NEGR1: variants seen among roughly 807,000 people sequenced by gnomAD.
NEGR1 encodes IgLON family member 4.
Under a neutral mutation model 40.9 loss-of-function variants are expected in NEGR1, and 10 were observed. The observed-to-expected ratio is 0.24, with a 90% CI of 0.15 to 0.42. The LOEUF is 0.42. Among genes scored for constraint, NEGR1 ranks in the 10% least tolerant of loss-of-function variants. The probability of loss-of-function intolerance (pLI) is 1.00; values close to 1 mark genes in which losing one functional copy is unlikely to be tolerated. For synonymous variants in NEGR1, 185 were observed against 166.8 expected (o/e 1.11, Z -0.84); for missense variants, 352 against 438.9 (o/e 0.80, Z 1.77).
intron 4 of NEGR1, among the ~76,000 whole-genome samples, chr1:71,626,857 A>C (rs1650800421): frequency 2.6e-5 from 4 of 152,182 alleles, no homozygotes; most frequent in Non-Finnish European, 4.4e-5. Context: ...GACACTTCTC[A>C]AAAGAAGACT....
At chr1:71,853,090 A>C (rs1659657860) in intron 2 of NEGR1, among the ~76,000 whole-genome samples, 1 of 152,228 alleles carries the variant, frequency 6.6e-6, no homozygotes, top group Non-Finnish European at 1.5e-5. Flanking sequence ...ATCAGTGACA[A>C]TAAACTGTGA....
At chr1:71,752,866 G>A (rs1655616071) in intron 3 of NEGR1, among the ~76,000 whole-genome samples, 1 of 152,090 alleles carries the variant, frequency 6.6e-6, no homozygotes, top group South Asian at 2.1e-4. Context: ...CTCTATATTG[G>A]AAATTCCTCC....
intron 1 of NEGR1, among the ~76,000 whole-genome samples, chr1:72,044,311 T>G (rs1436980637): frequency 1.4e-5 from 2 of 146,976 alleles, no homozygotes; most frequent in African/African-American, 5.0e-5. Flanking sequence ...TAAAACAAAG[T>G]TAGCACAAAG....
At chr1:72,155,423 A>G (rs1651321431) in intron 1 of NEGR1, among the ~76,000 whole-genome samples, 2 of 152,024 alleles carry the variant, frequency 1.3e-5, no homozygotes, top group Admixed American at 1.3e-4. Context: ...TCAGATTTCA[A>G]TTTTGAAATA....
chr1:72,279,562 G>A (rs1656175005), intron 1 of NEGR1, among the ~76,000 whole-genome samples: 3 of 152,108 alleles, frequency 2.0e-5, no homozygotes, highest in Admixed American at 6.5e-5. Context: ...GTATTTTGAT[G>A]GGACAAGGGC....
At chr1:71,666,473 A>G (rs1652245858) in intron 4 of NEGR1, among the ~76,000 whole-genome samples, 1 of 144,500 alleles carries the variant, frequency 6.9e-6, no homozygotes, top group Admixed American at 7.2e-5. Flanking sequence ...ACAAACACCC[A>G]CCTTGGATCT....
chr1:72,015,397 C>T (rs1399680033), intron 1 of NEGR1, among the ~76,000 whole-genome samples: 6 of 151,372 alleles, frequency 4.0e-5, no homozygotes. Context: ...TTCTTTAGGC[C>T]TGAGTATCCA....
intron 1 of NEGR1, among the ~76,000 whole-genome samples, chr1:72,002,617 A>C (rs1646567726): frequency 6.6e-6 from 1 of 152,178 alleles, no homozygotes; most frequent in African/African-American, 2.4e-5. Flanking sequence ...AATGTTCAAC[A>C]GGAGTTTAAA....
intron 1 of NEGR1, among the ~76,000 whole-genome samples, chr1:71,995,591 C>T (rs774125128): frequency 7.9e-5 from 12 of 152,060 alleles, no homozygotes; most frequent in Non-Finnish European, 1.8e-4. Context: ...TTGTCTATTC[C>T]GAAGTATCAC....
chr1:72,007,988 T>C (rs540956795), intron 1 of NEGR1, among the ~76,000 whole-genome samples: 1 of 152,284 alleles, frequency 6.6e-6, no homozygotes, highest in South Asian at 2.1e-4. Flanking sequence ...TATAATAAAA[T>C]ATGAATTTTA....
intron 6 of NEGR1, among the ~76,000 whole-genome samples, chr1:71,498,569 G>A (rs776449263): frequency 6.6e-6 from 1 of 152,110 alleles, no homozygotes; most frequent in East Asian, 1.9e-4. Flanking sequence ...TATCAGAAAT[G>A]AAAAGCACAG....
intron 2 of NEGR1, among the ~76,000 whole-genome samples, chr1:71,883,766 C>T (rs912916533): frequency 4.3e-5 from 6 of 139,920 alleles, no homozygotes; most frequent in Non-Finnish European, 9.2e-5. Flanking sequence ...TGATGTTCCC[C>T]ATCCTGTATC....
At chr1:72,033,752 T>C (rs1425473528) in intron 1 of NEGR1, among the ~76,000 whole-genome samples, 1 of 152,128 alleles carries the variant, frequency 6.6e-6, no homozygotes, top group African/African-American at 2.4e-5. Flanking sequence ...TGGTGTATAT[T>C]GCCTAGTAAA....
rs111380226 is a variant in NEGR1 at position 71,710,654 on chromosome 1, AT to A, written c.536-12516del. 3.9e-5 allele frequency among the ~76,000 whole-genome samples: 6 copies of A among 152,300 alleles called. 1 individual carries two copies. Among genetic ancestry groups the A allele is most frequent in the African/African-American group, 1.4e-4 (6 of 41,562 alleles). On this transcript the variant is annotated intron_variant, in intron 3 of 6. Transcript: ENST00000357731. ...GACAAACAATCGCATGTTCTCACTT[AT>A]TTGTGGTATCTAAAAATAATAATAA...
chr1:71,726,101 A>C lies in NEGR1; in HGVS notation c.536-27962T>G, dbSNP rs541363205. The stretch of plus-strand genomic sequence containing the variant: ...AGTTATTGGAGTTAGTATTTAGAAA[A>C]CTTAGACAGTACTTACGTGATCCTT... On this transcript the variant is annotated intron_variant, in intron 3 of 6. Coordinates refer to ENST00000357731, the MANE Select transcript of NEGR1 (RefSeq NM_173808.3). 8.5e-4 allele frequency among the ~76,000 whole-genome samples: 130 copies of C among 152,270 alleles called. 1 individual carries two copies. The highest frequency in any genetic ancestry group is 1.2e-3 in the Non-Finnish European group (81 of 68,016).
chr1:71,587,664 G>GCA (rs67250351), intron 6 of NEGR1, among the ~76,000 whole-genome samples: 13,960 of 150,568 alleles, frequency 0.093, 1,627 homozygotes, highest in African/African-American at 0.28. Context: ...ACACACACAT[G>GCA]CACACACACA....
chr1:71,913,881 T>G (rs1422649153), intron 2 of NEGR1, among the ~76,000 whole-genome samples: 1 of 149,856 alleles, frequency 6.7e-6, no homozygotes, highest in African/African-American at 2.4e-5. Context: ...CAGTGATAAC[T>G]AAGTACACTC....
At chr1:71,895,237 C>A (rs547603216) in intron 2 of NEGR1, among the ~76,000 whole-genome samples, 1 of 152,114 alleles carries the variant, frequency 6.6e-6, no homozygotes, top group Non-Finnish European at 1.5e-5. Context: ...CTTACTATTT[C>A]CTAGGTACAG....
intron 3 of NEGR1, among the ~76,000 whole-genome samples, chr1:71,771,290 G>C (rs563882507): frequency 3.9e-5 from 6 of 152,214 alleles, no homozygotes; most frequent in Admixed American, 1.3e-4. Flanking sequence ...ACACACTGGG[G>C]CCTGTCAGGG....
Sources: gnomAD v4.1 joint callset for allele counts (sites outside exome capture counted in the v4.1 genomes callset) on GRCh38, gnomAD v4.1.1 for gene constraint, MANE v1.5 for transcripts, NCBI Gene and HGNC (gene_info 2026-07-23, HGNC 2026-07-21) for gene names.